Variants in TEX2 observed in about 807,000 individuals in gnomAD.
The protein encoded by TEX2 is testis expressed 2, also known as testis-expressed protein 2.
Under a neutral mutation model 106.9 loss-of-function variants are expected in TEX2, and 53 were observed. That is an observed-to-expected ratio of 0.50 (90% CI 0.40 to 0.62). TEX2 has a LOEUF of 0.62. TEX2 is among the 20% of genes least tolerant of loss of function. The pLI is 0.00. For synonymous variants in TEX2, 523 were observed against 534.8 expected, an observed-to-expected ratio of 0.98 and a Z score of 0.30; for missense variants, 1,207 against 1,379.0, an observed-to-expected ratio of 0.88 and a Z score of 1.98.
chr17:64,244,803 T>C (rs1363402069), intron 1 of TEX2, among the ~76,000 whole-genome samples: 5 of 152,220 alleles, frequency 3.3e-5, no homozygotes, highest in African/African-American at 9.6e-5. Context: ...TAGTTGCTTT[T>C]TCAAATATGG....
At chr17:64,187,157 T>C (rs1174724920) in intron 5 of TEX2, among the ~76,000 whole-genome samples, 1 of 152,172 alleles carries the variant, frequency 6.6e-6, no homozygotes, top group Non-Finnish European at 1.5e-5. Flanking sequence ...TAACAGAGCC[T>C]GGCATCTGGC....
chr17:64,190,447 C>A (rs2032253793), intron 4 of TEX2, among the ~76,000 whole-genome samples: 1 of 152,136 alleles, frequency 6.6e-6, no homozygotes, highest in African/African-American at 2.4e-5. Flanking sequence ...TCAAACCAAA[C>A]TGATCCCATT....
At chr17:64,236,516 G>T (rs368668363) in intron 1 of TEX2, among the ~76,000 whole-genome samples, 2 of 152,160 alleles carry the variant, frequency 1.3e-5, no homozygotes, top group South Asian at 4.1e-4. Context: ...CAGCCTGAGC[G>T]ACAGAGTAAG....
intron 5 of TEX2, among the ~76,000 whole-genome samples, chr17:64,183,383 A>G (rs1316908434): frequency 1.3e-5 from 2 of 152,254 alleles, no homozygotes; most frequent in East Asian, 3.9e-4. Flanking sequence ...CAGTGGCTGG[A>G]CTATTTTACA....
chr17:64,247,041 G>A (rs1555636366), intron 1 of TEX2, among the ~76,000 whole-genome samples: 1 of 152,180 alleles, frequency 6.6e-6, no homozygotes, highest in African/African-American at 2.4e-5. Context: ...ACTTTGGGAG[G>A]CTGAGGTGGG....
chr17:64,209,223 C>T (rs1029283631), intron 2 of TEX2, among the ~76,000 whole-genome samples: 8 of 152,154 alleles, frequency 5.3e-5, no homozygotes, highest in African/African-American at 1.7e-4. Flanking sequence ...AGTTTAAAAA[C>T]GGTTCCCAAG....
chr17:64,213,176 CCTT>C lies in TEX2; in HGVS notation c.1039_1041del (p.Lys347del). On this transcript the variant is annotated inframe_deletion, in exon 2 of 12. Coordinates refer to ENST00000584379, the MANE Select transcript of TEX2 (RefSeq NM_001288732.2). This position sits in a 1 kb window ranked among gnomAD's most constrained non-coding sequence, Gnocchi z 4.4. ...TCCCCCTCAGAATCACACTCCTCCTCCTTGATGCTGTAGTTGTTATTGCTTTCC... is the reference window on the plus strand; with the variant it reads ...TCCCCCTCAGAATCACACTCCTCCTCGATGCTGTAGTTGTTATTGCTTTCC... The C allele has an allele frequency of 1.9e-6, 3 of 1,614,210 alleles. No homozygotes were observed. The highest frequency in any genetic ancestry group is 1.1e-5 in the South Asian group (1 of 91,080).
chr17:64,160,572 C>T (rs1193805922), intron 8 of TEX2, among the ~76,000 whole-genome samples: 1 of 152,112 alleles, frequency 6.6e-6, no homozygotes, highest in Non-Finnish European at 1.5e-5. Flanking sequence ...TGTACCACCA[C>T]CAGCACTGAG....
chr17:64,235,781 C>T (rs1286980710), intron 1 of TEX2, among the ~76,000 whole-genome samples: 1 of 152,176 alleles, frequency 6.6e-6, no homozygotes, highest in African/African-American at 2.4e-5. Flanking sequence ...AAATGTTCTA[C>T]TACAAGTACT....
intron 6 of TEX2, among the ~76,000 whole-genome samples, chr17:64,172,140 G>A (rs1470048917): frequency 6.6e-6 from 1 of 152,068 alleles, no homozygotes. Context: ...GGATCACGAG[G>A]TCAAGAGATT....
chr17:64,171,470 T>G (rs1250237200), intron 6 of TEX2, among the ~76,000 whole-genome samples: 2 of 151,704 alleles, frequency 1.3e-5, no homozygotes, highest in Non-Finnish European at 2.9e-5. Flanking sequence ...CAGAGAGTGA[T>G]TAGTGCTGCA....
chr17:64,231,504 C>A (rs1555634602), intron 1 of TEX2, among the ~76,000 whole-genome samples: 1 of 152,220 alleles, frequency 6.6e-6, no homozygotes. Context: ...AACACAGCCT[C>A]ATGTGGACAG....
chr17:64,207,859 A>G (rs1555630959), intron 2 of TEX2, among the ~76,000 whole-genome samples: 2 of 151,018 alleles, frequency 1.3e-5, no homozygotes, highest in Middle Eastern at 3.4e-3. Flanking sequence ...CCTCAGCCTC[A>G]TGACTAGCTG....
intron 1 of TEX2, among the ~76,000 whole-genome samples, chr17:64,223,073 C>G (rs2033404029): frequency 6.6e-6 from 1 of 152,152 alleles, no homozygotes; most frequent in African/African-American, 2.4e-5. Flanking sequence ...TCTGTTCTAT[C>G]TAGTTTACAA....
intron 8 of TEX2, among the ~76,000 whole-genome samples, chr17:64,158,328 G>A (rs933429019): frequency 6.6e-6 from 1 of 152,210 alleles, no homozygotes; most frequent in African/African-American, 2.4e-5. Flanking sequence ...CACTTGAACA[G>A]GGACTGAGAA....
intron 2 of TEX2, among the ~76,000 whole-genome samples, chr17:64,202,607 C>T (rs2032706874): frequency 6.6e-6 from 1 of 152,218 alleles, no homozygotes; most frequent in South Asian, 2.1e-4. Context: ...TCATCCTGTT[C>T]TCCATATAGT....
chr17:64,179,719 C>T (rs1567921171), intron 5 of TEX2, among the ~76,000 whole-genome samples: 2 of 151,910 alleles, frequency 1.3e-5, no homozygotes, highest in South Asian at 4.2e-4. Flanking sequence ...AGGAGTCCTT[C>T]ACATTTGAGT....
chr17:64,229,099 C>T lies in TEX2; in HGVS notation c.-25-14857G>A, dbSNP rs368750303. ...TTAAAAGCTGTGTTTCCATATAAAT[C>T]TTGTGCAAAAAGAAAGTCTATCTGT... On this transcript the variant is annotated intron_variant, in intron 1 of 11. Transcript: ENST00000584379. 2.6e-5 allele frequency among the ~76,000 whole-genome samples: 4 copies of T among 152,238 alleles called. No homozygotes were observed. The East Asian group carries it at 5.8e-4, about 22-fold the overall frequency.
intron 1 of TEX2, among the ~76,000 whole-genome samples, chr17:64,233,812 T>A (rs1267154695): frequency 6.6e-6 from 1 of 152,202 alleles, no homozygotes; most frequent in Non-Finnish European, 1.5e-5. Flanking sequence ...ATTTAAAATA[T>A]CTGAAGAATC....
Sources: gnomAD v4.1 joint callset for allele counts (sites outside exome capture counted in the v4.1 genomes callset) on GRCh38, gnomAD v4.1.1 for gene constraint, Gnocchi (gnomAD v3.1) non-coding constraint, MANE v1.5 for transcripts, NCBI Gene and HGNC (gene_info 2026-07-23, HGNC 2026-07-21) for gene names.